Variants in TMEM154 observed in about 807,000 individuals in gnomAD.
The protein encoded by TMEM154 is transmembrane protein 154.
In TMEM154, 27 loss-of-function variants were observed where a neutral mutation model predicts 24.5. The observed-to-expected ratio is 1.10, with a 90% CI of 0.81 to 1.52. The LOEUF (loss-of-function observed/expected upper bound fraction) is 1.52. TMEM154 is among the 40% of genes most tolerant of loss of function. The probability of loss-of-function intolerance (pLI) is 0.00; values close to 1 mark genes in which losing one functional copy is unlikely to be tolerated. For missense variants in TMEM154, 228 were observed against 213.4 expected, an observed-to-expected ratio of 1.07 and a Z score of -0.43; for synonymous variants, 67 against 76.8, an observed-to-expected ratio of 0.87 and a Z score of 0.67.
chr4:152,648,020 C>T (rs576629791), intron 3 of TMEM154, among the ~76,000 whole-genome samples: 12 of 151,882 alleles, frequency 7.9e-5, no homozygotes, highest in African/African-American at 2.7e-4. Context: ...ACCACATCAC[C>T]CAGAAAGAAA....
chr4:152,639,528 C>T (rs1048223835), intron 6 of TMEM154, among the ~76,000 whole-genome samples: 11 of 151,858 alleles, frequency 7.2e-5, no homozygotes, highest in African/African-American at 2.4e-4. Flanking sequence ...TGTAATATTC[C>T]CCCTGGCATT....
intron 1 of TMEM154, among the ~76,000 whole-genome samples, chr4:152,674,118 A>G (rs999771459): frequency 2.6e-5 from 4 of 152,184 alleles, no homozygotes; most frequent in Non-Finnish European, 4.4e-5. Flanking sequence ...TCAAGAAAGC[A>G]AGAAAATACC....
chr4:152,626,157 T>A lies in TMEM154; in HGVS notation c.*2389A>T, dbSNP rs536447794. Reference sequence around the variant, plus strand: ...TATTAAAACAAGTTTCCTGAGAAGTTTGACTAGGCTATGTTGTTGTTAACC... The same window carrying A: ...TATTAAAACAAGTTTCCTGAGAAGTATGACTAGGCTATGTTGTTGTTAACC... On this transcript the variant is annotated 3_prime_UTR_variant, in exon 7 of 7. Transcript: ENST00000304385. The A allele has an allele frequency of 6.6e-6, 1 of 152,664 alleles. No individual in the cohort carries two copies. The highest frequency in any genetic ancestry group is 2.4e-5 in the African/African-American group (1 of 41,460). The allele number at this position is 152,664 out of a possible 1,614,324, so 9.5% of individuals were successfully genotyped here.
chr4:152,652,377 A>T (rs1579522834), intron 3 of TMEM154, among the ~76,000 whole-genome samples, 161 bp downstream of exon 3: 2 of 149,968 alleles, frequency 1.3e-5, no homozygotes, highest in East Asian at 1.9e-4. Context: ...TTTTTTTTTT[A>T]AAGAAAGGAA....
chr4:152,669,776 G>A (rs551194717), intron 1 of TMEM154: 31 of 152,280 alleles, frequency 2.0e-4, no homozygotes, highest in Admixed American at 1.2e-3. Context: ...AAATAACAAC[G>A]ATGGTTTTAA....
intron 1 of TMEM154, among the ~76,000 whole-genome samples, chr4:152,663,068 T>C (rs536774234): frequency 6.6e-6 from 1 of 152,330 alleles, no homozygotes; most frequent in African/African-American, 2.4e-5. Context: ...CCTTCTGCTC[T>C]GTCTAGCCCA....
chr4:152,657,979 A>C (rs1482715258), intron 1 of TMEM154, among the ~76,000 whole-genome samples: 4 of 152,246 alleles, frequency 2.6e-5, no homozygotes, highest in Admixed American at 6.5e-5. Flanking sequence ...GAAATGCTTA[A>C]GGGAGTCCAC....
intron 1 of TMEM154, among the ~76,000 whole-genome samples, chr4:152,670,970 T>A (rs1728823373): frequency 6.6e-6 from 1 of 152,090 alleles, no homozygotes; most frequent in Admixed American, 6.6e-5. Flanking sequence ...ATAATACAGA[T>A]TAATAAAAGC....
Position 152,623,682 on chromosome 4 carries a change from C to G in TMEM154, c.*4864G>C, listed in dbSNP as rs1751873653. The G allele has an allele frequency of 6.6e-6, 1 of 152,190 alleles. No individual in the cohort carries two copies. The highest frequency in any genetic ancestry group is 1.5e-5 in the Non-Finnish European group (1 of 68,054). 9.4% of individuals were successfully genotyped at this position (152,190 alleles called of 1,614,324 possible). A position where few individuals can be genotyped will look rare whatever the true frequency, so the allele number is the denominator to read the frequency against. ...ATCACTTGAGCCCAGGAGTTTGAGA[C>G]TAGCTTGGCCAACATGGCGAAACCC... On this transcript the variant is annotated 3_prime_UTR_variant, in exon 7 of 7. Transcript: ENST00000304385.
rs142756169 is a variant in TMEM154 at position 152,670,548 on chromosome 4, T to C, written c.64+9322A>G. On this transcript the variant is annotated intron_variant, in intron 1 of 6. Transcript: ENST00000304385. ...GAGCCGGAGGTTGCAGGAGCAGAGATTGCACCACTACACTCCAGCCTGGGC... is the reference window on the plus strand; with the variant it reads ...GAGCCGGAGGTTGCAGGAGCAGAGACTGCACCACTACACTCCAGCCTGGGC... 4.6e-5 allele frequency among the ~76,000 whole-genome samples: 7 copies of C among 151,998 alleles called. No individual in the cohort carries two copies. In the East Asian group the frequency reaches 1.4e-3, roughly 29 times the overall value.
At chr4:152,674,329 TC>T (rs1728909992) in intron 1 of TMEM154, among the ~76,000 whole-genome samples, 1 of 15,578 alleles carries the variant, frequency 6.4e-5, no homozygotes, top group Non-Finnish European at 1.2e-3. Context: ...GAAAAAAAAG[TC>T]ACTGAAATGA....
chr4:152,626,772 G>C lies in TMEM154; in HGVS notation c.*1774C>G, dbSNP rs1463867748. 6.6e-6 allele frequency: 1 copy of C among 152,204 alleles called. No homozygotes were observed. Among genetic ancestry groups the C allele is most frequent in the Non-Finnish European group, 1.5e-5 (1 of 68,050 alleles). The allele number at this position is 152,204 out of a possible 1,614,324, so 9.4% of individuals were successfully genotyped here. A position where few individuals can be genotyped will look rare whatever the true frequency, so the allele number is the denominator to read the frequency against. On this transcript the variant is annotated 3_prime_UTR_variant, in exon 7 of 7. Transcript: ENST00000304385. ...TAAAGAGAGAAAGGGGCAAATGGAG[G>C]CTCTTCTGAGAGTCAAAATGTTGAT... is the stretch of plus-strand genomic sequence containing the variant.
chr4:152,655,451 G>C (rs935052157), intron 1 of TMEM154, among the ~76,000 whole-genome samples: 1 of 152,150 alleles, frequency 6.6e-6, no homozygotes, highest in African/African-American at 2.4e-5. Context: ...ACACCCCTGA[G>C]CCCTAGTGGC....
In TMEM154 at chr4:152,624,941, A is replaced by C. The variant is rs1751893180; in HGVS notation, c.*3605T>G. The stretch of plus-strand genomic sequence containing the variant: ...AAAGTCACATGCGTTAATTTAATTC[A>C]GTATAAAATTTCCATGTTCTCCCAC... On this transcript the variant is annotated 3_prime_UTR_variant, in exon 7 of 7. Transcript: ENST00000304385. The C allele has an allele frequency of 6.6e-6, 1 of 152,238 alleles. No individual in the cohort carries two copies. The highest frequency in any genetic ancestry group is 2.1e-4 in the South Asian group (1 of 4,828). The allele number at this position is 152,238 out of a possible 1,614,324, so 9.4% of individuals were successfully genotyped here. A position where few individuals can be genotyped will look rare whatever the true frequency, so the allele number is the denominator to read the frequency against.
intron 1 of TMEM154, among the ~76,000 whole-genome samples, chr4:152,656,177 G>GACCC (rs1205176208): frequency 2.6e-5 from 4 of 152,094 alleles, no homozygotes; most frequent in Non-Finnish European, 5.9e-5. Flanking sequence ...GGGTACTTGG[G>GACCC]ACCCAGCGTG....
chr4:152,677,860 T>C (rs1449501555), intron 1 of TMEM154, among the ~76,000 whole-genome samples: 1 of 152,196 alleles, frequency 6.6e-6, no homozygotes, highest in Admixed American at 6.5e-5. Flanking sequence ...CCTTACAGGA[T>C]TTTGGAAAGT....
rs1369757811 is a variant in TMEM154 at position 152,661,393 on chromosome 4, T to C, written c.65-8466A>G. On this transcript the variant is annotated intron_variant, in intron 1 of 6. Transcript: ENST00000304385. ...ATAATAAATTACAGTAACTGGGATGTATTGAATGCTTAGTATGTGCTAGCT... is the reference window on the plus strand; with the variant it reads ...ATAATAAATTACAGTAACTGGGATGCATTGAATGCTTAGTATGTGCTAGCT... 3.3e-5 allele frequency among the ~76,000 whole-genome samples: 5 copies of C among 150,396 alleles called. 1 individual carries two copies. The highest frequency in any genetic ancestry group is 1.3e-4 in the Admixed American group (2 of 14,966).
At position 152,628,383 on chromosome 4, in the gene TMEM154, G is replaced by T; in HGVS notation, c.*163C>A. On this transcript the variant is annotated 3_prime_UTR_variant, in exon 7 of 7. Transcript: ENST00000304385. ...GCACATTCTTCCAAGTGCAAGTGAT[G>T]CCATCATTAGGAAGAGTGGGCGTTG... 3 of 1,161,786 alleles carry T rather than the reference G, an allele frequency of 2.6e-6. No homozygotes were observed. The highest frequency in any genetic ancestry group is 1.3e-5 in the South Asian group (1 of 75,346). 72.0% of individuals were successfully genotyped at this position (1,161,786 alleles called of 1,614,324 possible).
intron 1 of TMEM154, among the ~76,000 whole-genome samples, chr4:152,670,473 G>A (rs1350583131): frequency 6.6e-6 from 1 of 152,160 alleles, no homozygotes; most frequent in Non-Finnish European, 1.5e-5. Flanking sequence ...GCAGGTGCCT[G>A]TAATCCCAGC....
Sources: gnomAD v4.1 joint callset for allele counts (sites outside exome capture counted in the v4.1 genomes callset) on GRCh38, gnomAD v4.1.1 for gene constraint, MANE v1.5 for transcripts, NCBI Gene and HGNC (gene_info 2026-07-23, HGNC 2026-07-21) for gene names.